ERCC5: variants seen among roughly 807,000 people sequenced by gnomAD.
ERCC5 encodes the protein ERCC excision repair 5, endonuclease.
Under a neutral mutation model 105.6 loss-of-function variants are expected in ERCC5, and 68 were observed. The observed-to-expected ratio is 0.64, with a 90% CI of 0.53 to 0.79. The LOEUF is 0.79. ERCC5 is among the 30% of genes least tolerant of loss of function. The pLI is 0.00. For synonymous variants in ERCC5, 546 were observed against 526.2 expected (o/e 1.04, Z -0.51); for missense variants, 1,373 against 1,426.7 (o/e 0.96, Z 0.61).
At chr13:102,861,461 G>A in intron 6 of ERCC5, 46 bp from the exon 7 acceptor site, 3 of 1,594,440 alleles carry the variant, frequency 1.9e-6, no homozygotes, top group East Asian at 4.5e-5. Context: ...AATATTATCT[G>A]TATTTAATAT....
intron 1 of ERCC5, chr13:102,849,457 G>A (rs753495580): frequency 7.7e-6 from 4 of 518,586 alleles, no homozygotes; most frequent in African/African-American, 5.8e-5. Context: ...TATCCCTAGG[G>A]TCTTGGATAT....
At chr13:102,847,457 A>C (rs941689408) in intron 1 of ERCC5, among the ~76,000 whole-genome samples, 1 of 151,956 alleles carries the variant, frequency 6.6e-6, no homozygotes, top group Admixed American at 6.6e-5. Context: ...GGAGTGCAAG[A>C]GTGTGTGGGC....
chr13:102,874,659 C>A (rs1055021543), intron 14 of ERCC5: 1 of 152,394 alleles, frequency 6.6e-6, no homozygotes, highest in Admixed American at 6.5e-5. Flanking sequence ...GTAGCTGGGA[C>A]TACAGGCGCC....
rs1882690808 is a variant in ERCC5, at chr13:102,862,822, C to A, written c.1673C>A (p.Ser558Tyr). Residue 558 changes from serine to tyrosine, a missense_variant, in exon 8 of 15, where the codon TCT (serine) becomes TAT (tyrosine). This residue lies in a region of ERCC5 where 1,004 missense variants were observed against 1,059.7 expected (regional missense o/e 0.95). Coordinates refer to ENST00000652225, the MANE Select transcript of ERCC5 (RefSeq NM_000123.4). ...ELCPYESKFDSSLLSSDDETK... is the reference protein window; with the variant it reads ...ELCPYESKFDYSLLSSDDETK... ...TGCCCATATGAGAGTAAATTCGATT[C>A]TTCTCTTCTTTCAAGTGATGATGAA... 22 of 1,614,092 alleles carry A rather than the reference C, an allele frequency of 1.4e-5. No individual in the cohort carries two copies. Among genetic ancestry groups the A allele is most frequent in the Non-Finnish European group, 1.8e-5 (21 of 1,180,042 alleles).
chr13:102,861,454 A>C, intron 6 of ERCC5, 53 bp from the exon 7 acceptor site: 1 of 1,585,004 alleles, frequency 6.3e-7, no homozygotes, highest in Non-Finnish European at 8.6e-7. Flanking sequence ...ATATGGTAAT[A>C]TTATCTGTAT....
chr13:102,875,590 C>T lies in ERCC5; in HGVS notation c.3248C>T (p.Thr1083Ile), dbSNP rs1279793112. 1.2e-6 allele frequency: 2 copies of T among 1,613,572 alleles called. No homozygotes were observed. The highest frequency in any genetic ancestry group is 2.2e-5 in the East Asian group (1 of 44,882). ...CTTTCAGATTCTAAAGGAAAGAATA[C>T]ATGCGGTGGATTTTTGGGGGAGACC... Reference protein sequence around the residue: ...KRLSDSKGKNTCGGFLGETCL... With the variant: ...KRLSDSKGKNICGGFLGETCL... The change falls in exon 15 of 15, where the codon ACA becomes ATA. Residue 1083 changes from threonine (T) to isoleucine (I), a missense_variant. This residue lies in a region of ERCC5 where 367 missense variants were observed against 350.2 expected (regional missense o/e 1.05). Transcript: ENST00000652225.
intron 6 of ERCC5, among the ~76,000 whole-genome samples, chr13:102,860,079 G>A (rs552075268): frequency 6.6e-6 from 1 of 152,094 alleles, no homozygotes; most frequent in Non-Finnish European, 1.5e-5. Flanking sequence ...TAGCTGTCGC[G>A]GTGATCAGAT....
chr13:102,872,971 A>C (rs55939442), intron 13 of ERCC5, among the ~76,000 whole-genome samples: 120 of 152,360 alleles, frequency 7.9e-4, no homozygotes, highest in African/African-American at 2.7e-3. Context: ...AAGATATCTG[A>C]AACTTGTTTT....
Position 102,866,635 on chromosome 13 carries a change from C to A in ERCC5, c.2323C>A (p.Leu775Ile). ...TGQMFLESQE[L>I]LRLFGIPYIQ... is the part of the protein sequence containing the mutation. ...CTGTGTACCCCTCACTCTGCAGGAA[C>A]TCCTGCGCCTGTTCGGCATTCCCTA... Residue 775 changes from leucine to isoleucine, a missense_variant, in exon 11 of 15, where the codon CTC becomes ATC. By Grantham distance (5) the Leu-to-Ile change is conservative (BLOSUM62 2). Around this residue, in one of 3 missense-constraint regions of ERCC5, gnomAD observed 1,004 missense variants for 1,059.7 expected, o/e 0.95. Coordinates refer to ENST00000652225, the MANE Select transcript of ERCC5 (RefSeq NM_000123.4). The A allele has an allele frequency of 6.2e-7, 1 of 1,613,174 alleles. No homozygotes were observed. Among genetic ancestry groups the A allele is most frequent in the Non-Finnish European group, 8.5e-7 (1 of 1,179,918 alleles).
intron 6 of ERCC5, 144 bp from the exon 7 acceptor site, chr13:102,861,363 T>C (rs1595382265): frequency 1.2e-6 from 1 of 859,884 alleles, no homozygotes; most frequent in East Asian, 2.7e-5. Flanking sequence ...GTTTTTCTTG[T>C]TATTCACCTT....
In ERCC5 at chr13:102,862,633, A is replaced by G. The variant is rs1222851773; in HGVS notation, c.1484A>G (p.Lys495Arg). 2 of 1,614,188 alleles carry G rather than the reference A, an allele frequency of 1.2e-6. No homozygotes were observed. The highest frequency in any genetic ancestry group is 1.7e-6 in the Non-Finnish European group (2 of 1,180,032). Reference protein sequence around the residue: ...AFPISDESMIKDRKDRLPLES... With the variant: ...AFPISDESMIRDRKDRLPLES... Reference sequence around the variant, plus strand: ...CCGATAAGTGATGAGTCTATGATTAAGGACAGAAAAGATCGGCTGCCTCTG... The same window carrying G: ...CCGATAAGTGATGAGTCTATGATTAGGGACAGAAAAGATCGGCTGCCTCTG... Residue 495 changes from lysine to arginine, a missense_variant, in exon 8 of 15, where the codon AAG becomes AGG. Lys to Arg is a conservative substitution (Grantham distance 26). Coordinates refer to ENST00000652225, the MANE Select transcript of ERCC5 (RefSeq NM_000123.4).
At chr13:102,856,020 A>T (rs753070899) in intron 4 of ERCC5, 32 bp from the exon 5 acceptor site, 291 of 1,609,934 alleles carry the variant, frequency 1.8e-4, no homozygotes, top group Non-Finnish European at 2.3e-4. Flanking sequence ...CTTAAAAATC[A>T]TAGATATCGT....
At chr13:102,851,138 A>C (rs1439312927) in intron 1 of ERCC5, among the ~76,000 whole-genome samples, 1 of 152,214 alleles carries the variant, frequency 6.6e-6, no homozygotes, top group Non-Finnish European at 1.5e-5. Context: ...TATATTTAAC[A>C]TATATACTGT....
In ERCC5 at chr13:102,862,408, G is replaced by C; in HGVS notation, c.1259G>C (p.Arg420Pro). 1 of 1,581,258 alleles carries C rather than the reference G, an allele frequency of 6.3e-7. No individual in the cohort carries two copies. ...QTGGPGAEEM[R>P]INSSTENSDE... ...GGAGGGCCAGGAGCAGAAGAAATGC[G>C]TATAAACAGCTCCACCGAGAACAGT... is the stretch of plus-strand genomic sequence containing the variant. Residue 420 changes from arginine to proline, a missense_variant, in exon 8 of 15, where the codon CGT becomes CCT. Coordinates refer to ENST00000652225, the MANE Select transcript of ERCC5 (RefSeq NM_000123.4).
chr13:102,868,264 T>A lies in ERCC5; in HGVS notation c.2678+7T>A, dbSNP rs1348757624. 6.2e-7 allele frequency: 1 copy of A among 1,614,038 alleles called. No individual in the cohort carries two copies. Among genetic ancestry groups the A allele is most frequent in the South Asian group, 1.1e-5 (1 of 91,088 alleles). ...AACCTCTCCTAAAATTCTCGTAAGG[T>A]CTTTTATTTCTTTAATTTGGATAAT... On this transcript the variant is annotated splice_region_variant and intron_variant, in intron 12 of 14. Coordinates refer to ENST00000652225, the MANE Select transcript of ERCC5 (RefSeq NM_000123.4).
chr13:102,861,945 A>C (rs1764137924), intron 7 of ERCC5, 85 bp from the exon 8 acceptor site: 1 of 1,529,186 alleles, frequency 6.5e-7, no homozygotes, highest in African/African-American at 1.4e-5. Context: ...ATTTATGAGA[A>C]CCAGTGTTCT....
At position 102,875,671 on chromosome 13, in the gene ERCC5, TAATG is replaced by T. The variant is rs1230492810; in HGVS notation, c.3334_3337del (p.Asn1112TyrfsTer21). 1 of 1,614,052 alleles carries T rather than the reference TAATG, an allele frequency of 6.2e-7. No individual in the cohort carries two copies. Among genetic ancestry groups the T allele is most frequent in the Non-Finnish European group, 8.5e-7 (1 of 1,179,998 alleles). On this transcript the variant is annotated frameshift_variant, in exon 15 of 15. Coordinates refer to ENST00000652225, the MANE Select transcript of ERCC5 (RefSeq NM_000123.4). LOFTEE classifies it low-confidence loss of function (END_TRUNC). Reference sequence around the variant, plus strand: ...AGTGAAGATGCTGAAAGTTCATCTTTAATGAATGTACAAAGGAGAACAGCTGCGA... The same window carrying T: ...AGTGAAGATGCTGAAAGTTCATCTTTAATGTACAAAGGAGAACAGCTGCGA...
At position 102,875,335 on chromosome 13, in the gene ERCC5, G is replaced by T. The variant is rs745448810; in HGVS notation, c.2993G>T (p.Arg998Ile). The T allele has an allele frequency of 5.6e-6, 9 of 1,613,790 alleles. No homozygotes were observed. Among genetic ancestry groups the T allele is most frequent in the South Asian group, 2.2e-5 (2 of 90,934 alleles). The change falls in exon 15 of 15, where the codon AGA (arginine) becomes ATA (isoleucine). Residue 998 changes from arginine to isoleucine, a missense_variant. Arg to Ile is a moderately conservative substitution (Grantham distance 97). Coordinates refer to ENST00000652225, the MANE Select transcript of ERCC5 (RefSeq NM_000123.4). ...CAGCTCCGAATTGATTCCTTCTTTAGATTAGCACAACAGGAGAAAGAAGAT... is the reference window on the plus strand; with the variant it reads ...CAGCTCCGAATTGATTCCTTCTTTATATTAGCACAACAGGAGAAAGAAGAT... ...QTQLRIDSFF[R>I]LAQQEKEDAK...
At chr13:102,851,087 A>G (rs558447502) in intron 1 of ERCC5, among the ~76,000 whole-genome samples, 62 of 152,372 alleles carry the variant, frequency 4.1e-4, no homozygotes, top group African/African-American at 1.4e-3. Flanking sequence ...CTCAGCAGAC[A>G]TAATATCTAC....
Sources: gnomAD v4.1 joint callset for allele counts (sites outside exome capture counted in the v4.1 genomes callset) on GRCh38, gnomAD v4.1.1 for gene constraint, gnomAD v4.1.1 regional missense constraint, MANE v1.5 for transcripts, NCBI Gene and HGNC (gene_info 2026-07-23, HGNC 2026-07-21) for gene names.